Variants in BCAS1 observed in about 807,000 individuals in gnomAD.
The protein encoded by BCAS1 is breast carcinoma-amplified sequence 1.
BCAS1 carries 46 observed loss-of-function variants against 65.4 expected under a neutral mutation model. The observed-to-expected ratio is 0.70, with a 90% CI of 0.55 to 0.90. BCAS1 has a LOEUF of 0.90. BCAS1 is among the 40% of genes least tolerant of loss of function. The pLI, the probability that BCAS1 is intolerant of heterozygous loss-of-function variation, is 0.00. For synonymous variants in BCAS1, 298 were observed against 293.5 expected, an observed-to-expected ratio of 1.02 and a Z score of -0.16; for missense variants, 793 against 771.2, an observed-to-expected ratio of 1.03 and a Z score of -0.33.
At chr20:54,069,349 T>G (rs942114346) in intron 1 of BCAS1, among the ~76,000 whole-genome samples, 2 of 152,226 alleles carry the variant, frequency 1.3e-5, no homozygotes, top group African/African-American at 2.4e-5. Flanking sequence ...GATCTTATCT[T>G]TCTGTAACAT....
At chr20:53,971,653 C>A (rs769211616) in intron 9 of BCAS1, among the ~76,000 whole-genome samples, 1 of 152,136 alleles carries the variant, frequency 6.6e-6, no homozygotes, top group African/African-American at 2.4e-5. Context: ...CCAAGGAGAG[C>A]CCTGAATTAA....
intron 10 of BCAS1, among the ~76,000 whole-genome samples, chr20:53,965,989 G>A (rs1023763106): frequency 7.9e-5 from 12 of 152,178 alleles, no homozygotes; most frequent in African/African-American, 2.2e-4. Flanking sequence ...AGATGTTGGC[G>A]TGGAGGTGGT....
Position 53,944,711 on chromosome 20 carries a change from A to G in BCAS1, c.*211T>C, listed in dbSNP as rs1347383057. ...TCTGACCCAACTAGGTGACCTGCTA[A>G]ACCATCTTTACTGTTATTTGCCAGA... On this transcript the variant is annotated 3_prime_UTR_variant, in exon 13 of 13. Coordinates refer to ENST00000688948, the MANE Select transcript of BCAS1 (RefSeq NM_001366298.2). 1.8e-6 allele frequency: 1 copy of G among 571,396 alleles called. No homozygotes were observed. The highest frequency in any genetic ancestry group is 3.2e-6 in the Non-Finnish European group (1 of 315,732). 35.4% of individuals were successfully genotyped at this position (571,396 alleles called of 1,614,324 possible). A position where few individuals can be genotyped will look rare whatever the true frequency, so the allele number is the denominator to read the frequency against.
chr20:54,040,099 A>C (rs1368228013), intron 3 of BCAS1, among the ~76,000 whole-genome samples: 1 of 151,430 alleles, frequency 6.6e-6, no homozygotes, highest in African/African-American at 2.4e-5. Flanking sequence ...TAGTTTCCAC[A>C]TTGTTTTTTC....
In BCAS1 at chr20:53,985,463, T is replaced by G. The variant is rs760970362; in HGVS notation, c.1099A>C (p.Lys367Gln). The G allele has an allele frequency of 6.2e-7, 1 of 1,613,970 alleles. No individual in the cohort carries two copies. The highest frequency in any genetic ancestry group is 8.5e-7 in the Non-Finnish European group (1 of 1,179,950). ...GATGTAAAGTTGGCTTTGTCTGACT[T>G]AAGGTCAGCTGAAGTGGTGGGTGAC... ...EKSPTTSADL[K>Q]SDKANFTSQE... The change falls in exon 8 of 13, where the codon AAG (lysine) becomes CAG (glutamine). Residue 367 changes from lysine (K) to glutamine (Q), a missense_variant. Physicochemically the swap from Lys to Gln is moderately conservative, Grantham distance 53. Coordinates refer to ENST00000688948, the MANE Select transcript of BCAS1 (RefSeq NM_001366298.2).
intron 1 of BCAS1, among the ~76,000 whole-genome samples, chr20:54,059,291 A>G (rs2146336472): frequency 6.6e-6 from 1 of 152,368 alleles, no homozygotes; most frequent in East Asian, 1.9e-4. Context: ...AAATGCAGTC[A>G]TAATTTTCAG....
chr20:54,068,319 C>A (rs2092470093), intron 1 of BCAS1: 1 of 154,386 alleles, frequency 6.5e-6, no homozygotes, highest in Non-Finnish European at 1.5e-5. Flanking sequence ...CTTATTATTG[C>A]ACCAAACATT....
In BCAS1 at chr20:54,058,664, C is replaced by T. The variant is rs1393379803; in HGVS notation, c.55G>A (p.Glu19Lys). ...QRVEDQENEP[E>K]AETYQDNASA... The stretch of plus-strand genomic sequence containing the variant: ...TACACTACCTGGTAAGTCTCTGCTT[C>T]TGGTTCATTCTCTTGGTCTTCAACT... Residue 19 changes from glutamate (E) to lysine (K), a missense_variant, in exon 2 of 13, where the codon GAA (glutamate) becomes AAA (lysine). Physicochemically the swap from Glu to Lys is moderately conservative, Grantham distance 56. Transcript: ENST00000688948. 1 of 1,543,480 alleles carries T rather than the reference C, an allele frequency of 6.5e-7. No homozygotes were observed. The highest frequency in any genetic ancestry group is 8.7e-7 in the Non-Finnish European group (1 of 1,143,748).
intron 10 of BCAS1, among the ~76,000 whole-genome samples, chr20:53,962,654 A>G (rs2089912275): frequency 7.6e-6 from 1 of 130,892 alleles, no homozygotes. Flanking sequence ...AGCTGAATTA[A>G]TATGTATAAG....
intron 4 of BCAS1, among the ~76,000 whole-genome samples, chr20:53,999,389 T>C (rs1209413069): frequency 6.6e-6 from 1 of 152,236 alleles, no homozygotes; most frequent in Non-Finnish European, 1.5e-5. Context: ...ATGAGAAAAC[T>C]GAGGCCCAAA....
intron 8 of BCAS1, among the ~76,000 whole-genome samples, chr20:53,982,500 G>C (rs1297517895): frequency 6.6e-6 from 1 of 152,110 alleles, no homozygotes; most frequent in Non-Finnish European, 1.5e-5. Context: ...CATTTCTGCT[G>C]TCTGTAACTA....
chr20:53,987,442 G>A (rs954565867), intron 7 of BCAS1, among the ~76,000 whole-genome samples: 1 of 152,178 alleles, frequency 6.6e-6, no homozygotes, highest in African/African-American at 2.4e-5. Context: ...AGCTCTAAAC[G>A]GTAATTAAAT....
chr20:53,953,681 T>C lies in BCAS1; in HGVS notation c.1566A>G (p.Thr522=). The C allele has an allele frequency of 1.2e-6, 2 of 1,613,630 alleles. No homozygotes were observed. The highest frequency in any genetic ancestry group is 1.7e-6 in the Non-Finnish European group (2 of 1,179,760). Residue 522 remains threonine, a synonymous_variant, in exon 12 of 13, where the codon ACA becomes ACG. Coordinates refer to ENST00000688948, the MANE Select transcript of BCAS1 (RefSeq NM_001366298.2). The stretch of plus-strand genomic sequence containing the variant: ...GCTCTGGCGGTGTGATAGTCTTTTC[T>C]GTGGAGTCTGATGTCTACAGCAATT... The part of the protein sequence containing the change: ...KDSSCQTSDS[T]EKTITPPEPE...
intron 3 of BCAS1, among the ~76,000 whole-genome samples, chr20:54,045,228 A>G (rs2092081294): frequency 6.6e-6 from 1 of 151,004 alleles, no homozygotes; most frequent in Admixed American, 6.6e-5. Context: ...AAAAAAAAAC[A>G]AAACAAAACA....
chr20:54,067,396 A>G (rs553238743), intron 1 of BCAS1, among the ~76,000 whole-genome samples: 1 of 152,204 alleles, frequency 6.6e-6, no homozygotes, highest in Non-Finnish European at 1.5e-5. Context: ...AATAAATCAA[A>G]TAAAGTGAGG....
intron 8 of BCAS1, among the ~76,000 whole-genome samples, chr20:53,978,781 G>C (rs1287192302): frequency 1.3e-5 from 2 of 152,166 alleles, no homozygotes; most frequent in African/African-American, 4.8e-5. Context: ...TCCCCCTTTA[G>C]TGTTTGACAC....
chr20:54,052,635 T>C (rs1325731493), intron 3 of BCAS1, among the ~76,000 whole-genome samples: 2 of 152,160 alleles, frequency 1.3e-5, no homozygotes, highest in African/African-American at 4.8e-5. Flanking sequence ...AGTTAGTCCC[T>C]TTCCTGCCCT....
intron 10 of BCAS1, among the ~76,000 whole-genome samples, chr20:53,960,413 C>A (rs2089838289): frequency 7.8e-6 from 1 of 128,952 alleles, no homozygotes; most frequent in Non-Finnish European, 1.6e-5. Context: ...CATCATGAAT[C>A]ATGAAAACAG....
At chr20:53,980,842 G>C (rs925716536) in intron 8 of BCAS1, among the ~76,000 whole-genome samples, 1 of 152,184 alleles carries the variant, frequency 6.6e-6, no homozygotes, top group African/African-American at 2.4e-5. Flanking sequence ...ATAACAGGAA[G>C]CCTGGAGCTA....
Sources: gnomAD v4.1 joint callset for allele counts (sites outside exome capture counted in the v4.1 genomes callset) on GRCh38, gnomAD v4.1.1 for gene constraint, MANE v1.5 for transcripts, NCBI Gene and HGNC (gene_info 2026-07-23, HGNC 2026-07-21) for gene names.